ZBTB41: variants seen among roughly 807,000 people sequenced by gnomAD.
The protein encoded by ZBTB41 is zinc finger and BTB domain-containing protein 41.
ZBTB41 carries 42 observed loss-of-function variants against 87.6 expected under a neutral mutation model. The ratio of observed to expected loss-of-function variants is 0.48; its 90% CI spans 0.37 to 0.62. The LOEUF is 0.62. ZBTB41 is among the 20% of genes least tolerant of loss of function. ZBTB41 has a pLI of 0.00. For synonymous variants in ZBTB41, 364 were observed against 364.0 expected, an observed-to-expected ratio of 1.00 and a Z score of 0.00; for missense variants, 799 against 1,078.9, an observed-to-expected ratio of 0.74 and a Z score of 3.63.
At chr1:197,175,228 A>G in intron 8 of ZBTB41, 113 bp from the exon 9 acceptor site, 1 of 842,472 alleles carries the variant, frequency 1.2e-6, no homozygotes, top group Non-Finnish European at 1.8e-6. Context: ...CAGGAAAGTA[A>G]AGCCACATTT....
intron 10 of ZBTB41, among the ~76,000 whole-genome samples, chr1:197,161,795 G>A (rs1373762925): frequency 2.0e-5 from 3 of 151,758 alleles, no homozygotes; most frequent in Non-Finnish European, 4.4e-5. Flanking sequence ...TCTTAAGTGC[G>A]TTCTATAAAT....
At chr1:197,177,409 T>C (rs1038018914) in intron 7 of ZBTB41, among the ~76,000 whole-genome samples, 3 of 152,124 alleles carry the variant, frequency 2.0e-5, no homozygotes, top group African/African-American at 7.2e-5. Flanking sequence ...TGTGAGTCAA[T>C]TAAATCCTTT....
chr1:197,176,576 T>G lies in ZBTB41; in HGVS notation c.1867A>C (p.Lys623Gln), dbSNP rs1481832640. ...IRHDHLTKHK[K>Q]IHSGEKAHQC... ...AAATATGGTATACCTGAATGTATTT[T>G]TTTGTGCTTTGTAAGGTGATCATGA... The change falls in exon 8 of 11, where the codon AAA becomes CAA. Residue 623 changes from lysine (K) to glutamine (Q), a missense_variant. Lys to Gln is a moderately conservative substitution (Grantham distance 53). This residue lies in a region of ZBTB41 where 198 missense variants were observed against 358.4 expected (regional missense o/e 0.55). Transcript: ENST00000367405. 6.2e-7 allele frequency: 1 copy of G among 1,610,404 alleles called. No homozygotes were observed. The highest frequency in any genetic ancestry group is 8.5e-7 in the Non-Finnish European group (1 of 1,178,186).
rs200635114 is a variant in ZBTB41 at position 197,166,045 on chromosome 1, TG to T, written c.2075-6032del. Among the ~76,000 whole-genome samples, 388 of 139,810 alleles carry T rather than the reference TG, an allele frequency of 2.8e-3. 2 individuals carry two copies. Among genetic ancestry groups the T allele is most frequent in the African/African-American group, 9.1e-3 (345 of 37,834 alleles). 91.7% of individuals were successfully genotyped at this position (139,810 alleles called of 152,430 possible). A position where few individuals can be genotyped will look rare whatever the true frequency, so the allele number is the denominator to read the frequency against. On this transcript the variant is annotated intron_variant, in intron 10 of 10. Coordinates refer to ENST00000367405, the MANE Select transcript of ZBTB41 (RefSeq NM_194314.3). ...GCACACACTAAGGCCTGTTGGGGGA[TG>T]GGGGGGCCTGGGGAGGGATAGCATA... is the stretch of plus-strand genomic sequence containing the variant.
At chr1:197,183,072 T>C (rs978606253) in intron 5 of ZBTB41, among the ~76,000 whole-genome samples, 7 of 151,608 alleles carry the variant, frequency 4.6e-5, no homozygotes, top group Non-Finnish European at 4.4e-5. Context: ...TACATATATG[T>C]ATACATATGT....
At chr1:197,189,923 A>G (rs945578646) in intron 4 of ZBTB41, among the ~76,000 whole-genome samples, 3 of 151,850 alleles carry the variant, frequency 2.0e-5, no homozygotes, top group African/African-American at 7.3e-5. Context: ...TGGGTGGGCC[A>G]CTTTGTTTTT....
At position 197,182,931 on chromosome 1, in the gene ZBTB41, T is replaced by A. The variant is rs546280252; in HGVS notation, c.1547-1814A>T. On this transcript the variant is annotated intron_variant, in intron 5 of 10. Coordinates refer to ENST00000367405, the MANE Select transcript of ZBTB41 (RefSeq NM_194314.3). ...AAGGTCTCCAGGTGCTTGTGATATA[T>A]ACCAAACTGCATGAAGCACTTATCT... 3.5e-4 allele frequency among the ~76,000 whole-genome samples: 53 copies of A among 152,266 alleles called. 1 individual carries two copies. In the South Asian group the frequency reaches 8.7e-3, roughly 25 times the overall value.
rs1407830129 is a variant in ZBTB41 at position 197,158,748 on chromosome 1, A to G, written c.*611T>C. ...TCCTACAAATAATAGCTAATCTTACATTAGTTAAGCTTTCTGGCTTTGAGT... is the reference window on the plus strand; with the variant it reads ...TCCTACAAATAATAGCTAATCTTACGTTAGTTAAGCTTTCTGGCTTTGAGT... On this transcript the variant is annotated 3_prime_UTR_variant, in exon 11 of 11. Transcript: ENST00000367405. 2.6e-5 allele frequency: 4 copies of G among 152,130 alleles called. No homozygotes were observed. Among genetic ancestry groups the G allele is most frequent in the African/African-American group, 9.7e-5 (4 of 41,448 alleles). The allele number at this position is 152,130 out of a possible 1,614,324, so 9.4% of individuals were successfully genotyped here. A position where few individuals can be genotyped will look rare whatever the true frequency, so the allele number is the denominator to read the frequency against.
intron 2 of ZBTB41, among the ~76,000 whole-genome samples, chr1:197,193,601 TC>T (rs1251049798): frequency 6.6e-6 from 1 of 152,146 alleles, no homozygotes. Context: ...CTTGGCTCTT[TC>T]CCCTTGCCAC....
At chr1:197,164,961 ATATAT>A (rs1168513160) in intron 10 of ZBTB41, among the ~76,000 whole-genome samples, 1 of 80,238 alleles carries the variant, frequency 1.2e-5, no homozygotes, top group African/African-American at 3.8e-5. Context: ...TACATATCTA[ATATAT>A]TATATATATT....
At chr1:197,161,820 C>T (rs1017559897) in intron 10 of ZBTB41, among the ~76,000 whole-genome samples, 2 of 151,876 alleles carry the variant, frequency 1.3e-5, no homozygotes, top group Admixed American at 6.6e-5. Flanking sequence ...GGCATCAATA[C>T]TTGTCATGCA....
intron 5 of ZBTB41, 111 bp downstream of exon 5, chr1:197,188,181 C>T (rs1196884005): frequency 4.5e-6 from 6 of 1,321,784 alleles, no homozygotes; most frequent in Non-Finnish European, 5.2e-6. Flanking sequence ...TAAAACCACT[C>T]TTAAAAAGTC....
chr1:197,181,682 A>C (rs1017334852), intron 5 of ZBTB41, among the ~76,000 whole-genome samples: 1 of 152,204 alleles, frequency 6.6e-6, no homozygotes, highest in East Asian at 1.9e-4. Flanking sequence ...AGCTCAAAGA[A>C]GCTATATATT....
rs144591164 is a variant in ZBTB41 at position 197,161,171 on chromosome 1, A to C, written c.2075-1157T>G. Among the ~76,000 whole-genome samples, 216 of 152,242 alleles carry C rather than the reference A, an allele frequency of 1.4e-3. 2 individuals are homozygous for C. Among genetic ancestry groups the C allele is most frequent in the African/African-American group, 4.8e-3 (201 of 41,568 alleles). ...CAGCTTGGTGTCAGACTTCTGACCT[A>C]AAGAACTATACGGTAATAAATTTGT... On this transcript the variant is annotated intron_variant, in intron 10 of 10. Coordinates refer to ENST00000367405, the MANE Select transcript of ZBTB41 (RefSeq NM_194314.3).
chr1:197,199,889 T>C lies in ZBTB41; in HGVS notation c.585A>G (p.Thr195=). 1.2e-6 allele frequency: 2 copies of C among 1,610,360 alleles called. No homozygotes were observed. The highest frequency in any genetic ancestry group is 1.7e-6 in the Non-Finnish European group (2 of 1,178,668). Residue 195 remains threonine (T), a synonymous_variant, in exon 2 of 11, where the codon ACA becomes ACG. Transcript: ENST00000367405. ...ATAGTCTTCCAGTTAATTCATTTAGTGTTTCTTCTGGTGATGACTTTTCAG... is the reference window on the plus strand; with the variant it reads ...ATAGTCTTCCAGTTAATTCATTTAGCGTTTCTTCTGGTGATGACTTTTCAG... ...ELTEKSSPEE[T]LNELTGRLSN... is the part of the protein sequence containing the mutation.
intron 10 of ZBTB41, among the ~76,000 whole-genome samples, chr1:197,163,053 C>T (rs1427618418): frequency 6.6e-6 from 1 of 152,050 alleles, no homozygotes; most frequent in Non-Finnish European, 1.5e-5. Flanking sequence ...TACTGGGAGA[C>T]AGAGATTAGA....
intron 2 of ZBTB41, among the ~76,000 whole-genome samples, chr1:197,195,966 AC>A (rs1432464082): frequency 1.3e-5 from 2 of 152,086 alleles, no homozygotes; most frequent in East Asian, 3.9e-4. Context: ...TCATAAACCC[AC>A]CCCAAAGAAG....
rs1342807084 is a variant in ZBTB41 at position 197,180,994 on chromosome 1, C to T, written c.1670G>A (p.Arg557Gln). The change falls in exon 6 of 11, where the codon CGA (arginine) becomes CAA (glutamine). Residue 557 changes from arginine (R) to glutamine (Q), a missense_variant. Coordinates refer to ENST00000367405, the MANE Select transcript of ZBTB41 (RefSeq NM_194314.3). ...WTCFICGKSV[R>Q]ERTTLKEHLR... ...TGTGCAGATAATTCTTCACCTTTCT[C>T]GTACTGATTTTCCACAGATAAAGCA... 3 of 1,591,392 alleles carry T rather than the reference C, an allele frequency of 1.9e-6. No individual in the cohort carries two copies. Among genetic ancestry groups the T allele is most frequent in the Non-Finnish European group, 2.6e-6 (3 of 1,174,588 alleles).
At chr1:197,170,909 T>C (rs529566225) in intron 10 of ZBTB41, among the ~76,000 whole-genome samples, 28 of 152,280 alleles carry the variant, frequency 1.8e-4, no homozygotes, top group Non-Finnish European at 3.8e-4. Context: ...GCCATAGTCT[T>C]TGTCTTATTC....
Sources: allele counts gnomAD v4.1 joint callset (sites outside exome capture counted in the v4.1 genomes callset), GRCh38; gene constraint gnomAD v4.1.1; regional missense constraint gnomAD v4.1.1; transcripts MANE v1.5; gene names NCBI Gene and HGNC (gene_info 2026-07-23, HGNC 2026-07-21).